Variants in KCNQ1 observed in about 807,000 individuals in gnomAD.
KCNQ1 encodes potassium voltage-gated channel subfamily KQT member 1.
Under a neutral mutation model 72.4 loss-of-function variants are expected in KCNQ1, and 49 were observed. That is an observed-to-expected ratio of 0.68 (90% CI 0.54 to 0.86). The LOEUF is 0.86. KCNQ1 is among the 40% of genes least tolerant of loss of function. The probability of loss-of-function intolerance (pLI) is 0.00; values close to 1 mark genes in which losing one functional copy is unlikely to be tolerated. For synonymous variants in KCNQ1, 450 were observed against 412.6 expected (o/e 1.09, Z -1.10); for missense variants, 790 against 945.1 (o/e 0.84, Z 2.15).
chr11:2,477,699 C>T lies in KCNQ1; in HGVS notation c.386+32215C>T, dbSNP rs1452957731. On this transcript the variant is annotated intron_variant, in intron 1 of 15. Transcript: ENST00000155840. The surrounding 1 kb of genome is among the most constrained non-coding windows in gnomAD (Gnocchi z 5.0). The stretch of plus-strand genomic sequence containing the variant: ...GGATTGCCTGAGCTCAGGAGACCAG[C>T]CTGGGTGACATAGTGAGACCCCATC... Among the ~76,000 whole-genome samples the T allele has an allele frequency of 6.6e-6, 1 of 150,744 alleles. No individual in the cohort carries two copies. The highest frequency in any genetic ancestry group is 1.5e-5 in the Non-Finnish European group (1 of 67,836).
rs1425627622 is a variant in KCNQ1 at position 2,492,552 on chromosome 11, C to G, written c.387-35376C>G. Among the ~76,000 whole-genome samples the G allele has an allele frequency of 2.6e-5, 4 of 152,128 alleles. No homozygotes were observed. Among genetic ancestry groups the G allele is most frequent in the African/African-American group, 9.7e-5 (4 of 41,426 alleles). The stretch of plus-strand genomic sequence containing the variant: ...ACAGATCCCGGTGTGTGATGTTCCC[C>G]TCCCTGTGTCCGTGTATTCTCATTG... On this transcript the variant is annotated intron_variant, in intron 1 of 15. Coordinates refer to ENST00000155840, the MANE Select transcript of KCNQ1 (RefSeq NM_000218.3). This position sits in a 1 kb window ranked among gnomAD's most constrained non-coding sequence, Gnocchi z 4.1.
intron 7 of KCNQ1, among the ~76,000 whole-genome samples, chr11:2,584,497 G>A (rs1002065958): frequency 1.7e-4 from 26 of 150,356 alleles, no homozygotes; most frequent in African/African-American, 6.1e-4. Context: ...GTGTTAGTAT[G>A]TGGGTTAGTG....
chr11:2,610,754 C>A lies in KCNQ1; in HGVS notation c.1393+21900C>A, dbSNP rs142234622. 334 of 168,496 alleles carry A rather than the reference C, an allele frequency of 2.0e-3. 6 individuals carry two copies. The East Asian group carries it at 0.035, about 18-fold the overall frequency. The allele number at this position is 168,496 out of a possible 1,614,324, so 10.4% of individuals were successfully genotyped here. On this transcript the variant is annotated intron_variant, in intron 10 of 15. Coordinates refer to ENST00000155840, the MANE Select transcript of KCNQ1 (RefSeq NM_000218.3). ...TTTTTTTTTTTTTTTTTACTTTGAGCACTTGGGATCTGTTACCCCACTACT... is the reference window on the plus strand; with the variant it reads ...TTTTTTTTTTTTTTTTTACTTTGAGAACTTGGGATCTGTTACCCCACTACT...
In KCNQ1 at chr11:2,585,375, G is replaced by C. The variant is rs573457445; in HGVS notation, c.1128+68G>C. ...TGTTATTGTTGCATCCAGCCCTCAC[G>C]GCCACCTGTCAGAACCATCATTGGC... On this transcript the variant is annotated intron_variant, in intron 8 of 15. Coordinates refer to ENST00000155840, the MANE Select transcript of KCNQ1 (RefSeq NM_000218.3). The C allele has an allele frequency of 7.6e-5, 106 of 1,388,886 alleles. No individual in the cohort carries two copies. In the South Asian group the frequency reaches 1.1e-3, roughly 14 times the overall value. 86.0% of individuals were successfully genotyped at this position (1,388,886 alleles called of 1,614,324 possible).
At chr11:2,646,345 G>T (rs892126585) in intron 10 of KCNQ1, 1 of 398,532 alleles carries the variant, frequency 2.5e-6, no homozygotes, top group Non-Finnish European at 4.4e-6. Context: ...AGCATGGGAT[G>T]TCTCAAAAAA....
At chr11:2,456,922 G>A (rs1411884521) in intron 1 of KCNQ1, among the ~76,000 whole-genome samples, 1 of 125,848 alleles carries the variant, frequency 7.9e-6, no homozygotes, top group East Asian at 2.4e-4. Flanking sequence ...CTGGGTGACA[G>A]AGCAAGACTC....
rs187307679 is a variant in KCNQ1, at chr11:2,559,096, A to G, written c.478-11532A>G. Among the ~76,000 whole-genome samples, 285 of 152,134 alleles carry G rather than the reference A, an allele frequency of 1.9e-3. 2 individuals are homozygous for G. The highest frequency in any genetic ancestry group is 6.1e-3 in the African/African-American group (254 of 41,514). On this transcript the variant is annotated intron_variant, in intron 2 of 15. Coordinates refer to ENST00000155840, the MANE Select transcript of KCNQ1 (RefSeq NM_000218.3). The surrounding 1 kb of genome is among the most constrained non-coding windows in gnomAD (Gnocchi z 4.9). ...GGGCTGGAGGCACCGGCTCAGCAAGAGGGGTCACTTGAGCCTTGGCCTGCA... is the reference window on the plus strand; with the variant it reads ...GGGCTGGAGGCACCGGCTCAGCAAGGGGGGTCACTTGAGCCTTGGCCTGCA...
intron 15 of KCNQ1, among the ~76,000 whole-genome samples, chr11:2,834,934 C>T (rs1051624135): frequency 1.3e-5 from 2 of 152,198 alleles, no homozygotes; most frequent in South Asian, 2.1e-4. Flanking sequence ...CAAGCCTGGC[C>T]GCCCAGCCCC....
In KCNQ1 at chr11:2,816,120, C is replaced by G; in HGVS notation, c.1795-31647C>G. The stretch of plus-strand genomic sequence containing the variant: ...AGAGGACAGTAGCCAGGGGCAAGAC[C>G]TCACACGCCTCTGCCCATCCTGGGA... On this transcript the variant is annotated intron_variant, in intron 15 of 15. Transcript: ENST00000155840. This position sits in a 1 kb window ranked among gnomAD's most constrained non-coding sequence, Gnocchi z 6.8. Among the ~76,000 whole-genome samples, 1 of 152,172 alleles carries G rather than the reference C, an allele frequency of 6.6e-6. No homozygotes were observed. The highest frequency in any genetic ancestry group is 1.9e-4 in the East Asian group (1 of 5,190).
At chr11:2,798,173 C>A (rs1245415372) in intron 15 of KCNQ1, among the ~76,000 whole-genome samples, 1 of 152,198 alleles carries the variant, frequency 6.6e-6, no homozygotes, top group African/African-American at 2.4e-5. Context: ...TGGTGCAAAC[C>A]CACATGGCAG....
In KCNQ1 at chr11:2,767,152, G is replaced by T. The variant is rs114370961; in HGVS notation, c.1515-1692G>T. Among the ~76,000 whole-genome samples, 409 of 151,982 alleles carry T rather than the reference G, an allele frequency of 2.7e-3. 2 individuals are homozygous for T. Among genetic ancestry groups the T allele is most frequent in the African/African-American group, 9.5e-3 (394 of 41,448 alleles). On this transcript the variant is annotated intron_variant, in intron 11 of 15. Coordinates refer to ENST00000155840, the MANE Select transcript of KCNQ1 (RefSeq NM_000218.3). This position sits in a 1 kb window ranked among gnomAD's most constrained non-coding sequence, Gnocchi z 4.6. ...CACTGCACTCCAGCCTGGCAATAGA[G>T]CGAGACTCCATCTATATGTGTGTGT...
intron 1 of KCNQ1, among the ~76,000 whole-genome samples, chr11:2,452,584 C>G (rs912628837): frequency 1.3e-5 from 2 of 152,218 alleles, no homozygotes; most frequent in Non-Finnish European, 2.9e-5. Context: ...GGGAACCATG[C>G]GCTTCAAGCG....
chr11:2,819,230 A>G (rs1483541803), intron 15 of KCNQ1, among the ~76,000 whole-genome samples: 1 of 152,248 alleles, frequency 6.6e-6, no homozygotes, highest in Non-Finnish European at 1.5e-5. Context: ...AGGAGGACAG[A>G]CAATGACAGA....
chr11:2,799,906 C>A (rs553109537), intron 15 of KCNQ1, among the ~76,000 whole-genome samples: 2 of 152,130 alleles, frequency 1.3e-5, no homozygotes, highest in African/African-American at 4.8e-5. Context: ...AAGTGTCCCA[C>A]GCCTGCCCGT....
chr11:2,657,994 G>C lies in KCNQ1; in HGVS notation c.1394-3967G>C. ...TGTCGGCCAGGCTCCTCCACTGTAAGTGAATAGCTGTTTTTCCCTTTCCAT... is the reference window on the plus strand; with the variant it reads ...TGTCGGCCAGGCTCCTCCACTGTAACTGAATAGCTGTTTTTCCCTTTCCAT... On this transcript the variant is annotated intron_variant, in intron 10 of 15. Coordinates refer to ENST00000155840, the MANE Select transcript of KCNQ1 (RefSeq NM_000218.3). This position sits in a 1 kb window ranked among gnomAD's most constrained non-coding sequence, Gnocchi z 4.8. 2.5e-6 allele frequency: 1 copy of C among 398,588 alleles called. No individual in the cohort carries two copies. Among genetic ancestry groups the C allele is most frequent in the Non-Finnish European group, 4.4e-6 (1 of 226,058 alleles). 24.7% of individuals were successfully genotyped at this position (398,588 alleles called of 1,614,324 possible).
In KCNQ1 at chr11:2,519,975, G is replaced by T. The variant is rs189159599; in HGVS notation, c.387-7953G>T. 1.1e-3 allele frequency among the ~76,000 whole-genome samples: 160 copies of T among 152,374 alleles called. 1 individual carries two copies. Among genetic ancestry groups the T allele is most frequent in the African/African-American group, 3.8e-3 (157 of 41,592 alleles). On this transcript the variant is annotated intron_variant, in intron 1 of 15. Coordinates refer to ENST00000155840, the MANE Select transcript of KCNQ1 (RefSeq NM_000218.3). ...TCCGGCCACATGCTGCACAGCACGG[G>T]AGTGATGCCGCCACCCACCCAGGAC...
rs1848765207 is a variant in KCNQ1 at position 2,598,875 on chromosome 11, CTGAG to C, written c.1393+10027_1393+10030del. On this transcript the variant is annotated intron_variant, in intron 10 of 15. Coordinates refer to ENST00000155840, the MANE Select transcript of KCNQ1 (RefSeq NM_000218.3). The surrounding 1 kb of genome is among the most constrained non-coding windows in gnomAD (Gnocchi z 6.2). Reference sequence around the variant, plus strand: ...CCTGCTCCCAGGACTCCTGTGTTGACTGAGTGAGTTAGAACATGTAAGTGCTCAC... The same window carrying C: ...CCTGCTCCCAGGACTCCTGTGTTGACTGAGTTAGAACATGTAAGTGCTCAC... 6.6e-6 allele frequency among the ~76,000 whole-genome samples: 1 copy of C among 152,216 alleles called. No homozygotes were observed. The highest frequency in any genetic ancestry group is 2.1e-4 in the South Asian group (1 of 4,834).
In KCNQ1 at chr11:2,670,038, A is replaced by G. The variant is rs1850152664; in HGVS notation, c.1514+7957A>G. ...GGGTCCCGTGGAGGTACAGGCGGAA[A>G]CCTAGCACTCACTATTCTGCTCTGG... On this transcript the variant is annotated intron_variant, in intron 11 of 15. Transcript: ENST00000155840. This position sits in a 1 kb window ranked among gnomAD's most constrained non-coding sequence, Gnocchi z 4.9. 7.5e-6 allele frequency: 3 copies of G among 398,584 alleles called. No homozygotes were observed. In the East Asian group the frequency reaches 1.1e-4, roughly 14 times the overall value. 24.7% of individuals were successfully genotyped at this position (398,584 alleles called of 1,614,324 possible).
chr11:2,759,281 T>C lies in KCNQ1; in HGVS notation c.1515-9563T>C, dbSNP rs966073058. Among the ~76,000 whole-genome samples, 2 of 152,102 alleles carry C rather than the reference T, an allele frequency of 1.3e-5. No homozygotes were observed. Among genetic ancestry groups the C allele is most frequent in the Admixed American group, 6.5e-5 (1 of 15,276 alleles). The stretch of plus-strand genomic sequence containing the variant: ...CTGCAAGGCCCTCATGCCTACGAGG[T>C]GGCTGCTAGGGGGATGTGACGTAGA... On this transcript the variant is annotated intron_variant, in intron 11 of 15. Coordinates refer to ENST00000155840, the MANE Select transcript of KCNQ1 (RefSeq NM_000218.3). The surrounding 1 kb of genome is among the most constrained non-coding windows in gnomAD (Gnocchi z 4.4).
Sources: allele counts gnomAD v4.1 joint callset (sites outside exome capture counted in the v4.1 genomes callset), GRCh38; gene constraint gnomAD v4.1.1; non-coding constraint Gnocchi (gnomAD v3.1); transcripts MANE v1.5; gene names NCBI Gene and HGNC (gene_info 2026-07-23, HGNC 2026-07-21).